ORMDL1: variants seen among roughly 807,000 people sequenced by gnomAD.
ORMDL1 encodes the protein ORM1-like protein 1.
Under a neutral mutation model 13.0 loss-of-function variants are expected in ORMDL1, and 10 were observed. The observed-to-expected ratio is 0.77, with a 90% confidence interval of 0.47 to 1.30. The LOEUF (loss-of-function observed/expected upper bound fraction) is 1.30, where lower values mean the gene tolerates loss of function less well. Among genes scored for constraint, ORMDL1 ranks in the 50% most tolerant of loss-of-function variants. The probability of loss-of-function intolerance (pLI) is 0.00; values close to 1 mark genes in which losing one functional copy is unlikely to be tolerated. For missense variants in ORMDL1, 171 were observed against 186.7 expected (o/e 0.92, Z 0.49); for synonymous variants, 61 against 63.9 (o/e 0.95, Z 0.22).
downstream of ORMDL1, among the ~76,000 whole-genome samples, chr2:189,766,412 C>T (rs1273176486): frequency 6.6e-6 from 1 of 152,164 alleles, no homozygotes; most frequent in African/African-American, 2.4e-5. Flanking sequence ...TCTTCTCAAA[C>T]TGAAATTCTG....
Position 189,782,607 on chromosome 2 carries a change from AG to A in ORMDL1, c.-7-6del. ...ACTCCAACGTTCATGTTTGCTCTGT[AG>A]GAAGTAATGAAATGAATCAACACTG... On this transcript the variant is annotated splice_region_variant and splice_polypyrimidine_tract_variant and intron_variant, in intron 2 of 4. Coordinates refer to ENST00000392349, the MANE Select transcript of ORMDL1 (RefSeq NM_016467.5). The A allele has an allele frequency of 6.2e-7, 1 of 1,611,468 alleles. No homozygotes were observed. Among genetic ancestry groups the A allele is most frequent in the Non-Finnish European group, 8.5e-7 (1 of 1,178,004 alleles).
At chr2:189,768,430 G>C (rs1164581453), downstream of ORMDL1, among the ~76,000 whole-genome samples, 2 of 152,154 alleles carry the variant, frequency 1.3e-5, no homozygotes, top group African/African-American at 4.8e-5. Context: ...ACTTACTGAT[G>C]ACATATATGA....
downstream of ORMDL1, among the ~76,000 whole-genome samples, chr2:189,765,840 T>TG (rs2047474486): frequency 8.1e-5 from 1 of 12,366 alleles, no homozygotes; most frequent in Non-Finnish European, 4.4e-4. Flanking sequence ...ACTTTCTCCA[T>TG]TTTTTTTTTT....
chr2:189,778,583 G>A (rs2047752140), intron 3 of ORMDL1, among the ~76,000 whole-genome samples: 1 of 152,082 alleles, frequency 6.6e-6, no homozygotes, highest in Admixed American at 6.6e-5. Flanking sequence ...GAGCAGGAAG[G>A]AGGGAGAGGT....
intron 3 of ORMDL1, among the ~76,000 whole-genome samples, chr2:189,777,367 A>G (rs1574966878): frequency 7.2e-6 from 1 of 139,260 alleles, no homozygotes; most frequent in Admixed American, 6.7e-5. Context: ...AACAGAAAGT[A>G]TATGTTTTCA....
chr2:189,777,561 T>C (rs1010827877), intron 3 of ORMDL1, among the ~76,000 whole-genome samples: 3 of 152,234 alleles, frequency 2.0e-5, no homozygotes, highest in African/African-American at 7.2e-5. Context: ...AATAAAATCT[T>C]ATCTGGCCAT....
At chr2:189,768,618 C>T (rs2047520529), downstream of ORMDL1, among the ~76,000 whole-genome samples, 2 of 152,088 alleles carry the variant, frequency 1.3e-5, no homozygotes, top group South Asian at 2.1e-4. Flanking sequence ...AACAGCACTA[C>T]ATATTGAAGA....
chr2:189,771,612 T>C lies in ORMDL1; in HGVS notation c.*155A>G. The C allele has an allele frequency of 6.8e-6, 4 of 589,272 alleles. No homozygotes were observed. The South Asian group carries it at 8.5e-5, about 13-fold the overall frequency. 36.5% of individuals were successfully genotyped at this position (589,272 alleles called of 1,614,324 possible). A position where few individuals can be genotyped will look rare whatever the true frequency, so the allele number is the denominator to read the frequency against. On this transcript the variant is annotated 3_prime_UTR_variant, in exon 5 of 5. Transcript: ENST00000392349. ...ACAGAGGCATCATTTAATGGAAATC[T>C]GCACTTCAAAACAGCACTTGAAGGA...
rs2047921391 is a variant in ORMDL1, at chr2:189,783,143, T to C, written c.-117-20A>G. The C allele has an allele frequency of 6.6e-6, 1 of 152,388 alleles. No homozygotes were observed. The highest frequency in any genetic ancestry group is 6.5e-5 in the Admixed American group (1 of 15,306). 9.4% of individuals were successfully genotyped at this position (152,388 alleles called of 1,614,324 possible). The stretch of plus-strand genomic sequence containing the variant: ...TACATGCTGTTGACATAATGTGGTG[T>C]AAAATTTACATGGTCAAGGGATAAT... On this transcript the variant is annotated intron_variant, in intron 1 of 4. Coordinates refer to ENST00000392349, the MANE Select transcript of ORMDL1 (RefSeq NM_016467.5).
intron 2 of ORMDL1, 196 bp downstream of exon 2, chr2:189,782,818 T>C: frequency 4.6e-6 from 2 of 435,638 alleles, no homozygotes; most frequent in East Asian, 6.7e-5. Flanking sequence ...AGACTTGTTA[T>C]TATGGTTCTA....
chr2:189,769,343 C>T (rs890555777), downstream of ORMDL1, among the ~76,000 whole-genome samples: 5 of 151,654 alleles, frequency 3.3e-5, no homozygotes, highest in Admixed American at 6.6e-5. Context: ...GCCGGGATCA[C>T]GCCACTGCAC....
the ORMDL1 span, chr2:189,764,223 TAG>T: frequency 5.9e-5 from 9 of 152,242 alleles, no homozygotes; most frequent in African/African-American, 1.9e-4. Flanking sequence ...GTCATACGGT[TAG>T]AGAGGTCAGA....
intron 4 of ORMDL1, chr2:189,774,919 A>T (rs1013659346): frequency 2.0e-5 from 3 of 152,196 alleles, no homozygotes; most frequent in African/African-American, 7.2e-5. Context: ...TATTTTCTGG[A>T]AGGCCCAGAA....
At chr2:189,775,342 C>G (rs1574964839) in intron 4 of ORMDL1, 5 of 429,082 alleles carry the variant, frequency 1.2e-5, no homozygotes, top group South Asian at 4.5e-5. Flanking sequence ...TCTAGGTGCA[C>G]TGATTAGCAT....
downstream of ORMDL1, among the ~76,000 whole-genome samples, chr2:189,768,793 ATAAG>A (rs1176663386): frequency 1.3e-5 from 2 of 152,202 alleles, no homozygotes; most frequent in African/African-American, 4.8e-5. Context: ...GTGCTATATA[ATAAG>A]TAATAAACTG....
chr2:189,766,733 A>G (rs80277863), downstream of ORMDL1, among the ~76,000 whole-genome samples: 1 of 150,246 alleles, frequency 6.7e-6, no homozygotes, highest in South Asian at 2.1e-4. Context: ...TCAAAAAAAA[A>G]AAAACAAAAC....
chr2:189,765,920 G>A (rs972163210), downstream of ORMDL1, among the ~76,000 whole-genome samples: 5 of 147,058 alleles, frequency 3.4e-5, no homozygotes, highest in East Asian at 2.0e-4. Context: ...TCTGCCTCCC[G>A]GGTTCAAGCG....
chr2:189,779,790 G>A (rs1235217577), intron 3 of ORMDL1, among the ~76,000 whole-genome samples: 1 of 152,234 alleles, frequency 6.6e-6, no homozygotes, highest in Non-Finnish European at 1.5e-5. Context: ...TGGGGATCAA[G>A]TTGAGAGTAA....
chr2:189,780,076 AATGAGAT>A (rs959696623), intron 3 of ORMDL1, among the ~76,000 whole-genome samples: 1 of 152,208 alleles, frequency 6.6e-6, no homozygotes, highest in Admixed American at 6.5e-5. Flanking sequence ...GCATATACAT[AATGAGAT>A]ATCTTGGGGA....
Sources: gnomAD v4.1 joint callset for allele counts (sites outside exome capture counted in the v4.1 genomes callset) on GRCh38, gnomAD v4.1.1 for gene constraint, MANE v1.5 for transcripts, NCBI Gene and HGNC (gene_info 2026-07-23, HGNC 2026-07-21) for gene names.